The following ZNF600 variants were observed in gnomAD, a reference collection of about 807,000 sequenced individuals.
ZNF600 encodes the protein zinc finger protein KR-ZNF1.
A neutral mutation model predicts 7.3 loss-of-function variants in ZNF600; 4 were observed. The observed-to-expected ratio is 0.55, with a 90% confidence interval of 0.27 to 1.25. The LOEUF (loss-of-function observed/expected upper bound fraction) is 1.25, where lower values mean the gene tolerates loss of function less well. Ranked by LOEUF, ZNF600 falls within the 50% of genes most tolerant of loss-of-function variation. The probability of loss-of-function intolerance (pLI) is 0.12; values close to 1 mark genes in which losing one functional copy is unlikely to be tolerated. For synonymous variants in ZNF600, 290 were observed against 308.9 expected, an observed-to-expected ratio of 0.94 and a Z score of 0.64; for missense variants, 911 against 922.1, an observed-to-expected ratio of 0.99 and a Z score of 0.16.
chr19:52,783,725 T>C (rs150886283), intron 1 of ZNF600, among the ~76,000 whole-genome samples: 351 of 152,288 alleles, frequency 2.3e-3, no homozygotes, highest in African/African-American at 8.1e-3. Flanking sequence ...TTTTCTGCAT[T>C]TCCCCCTGGA....
chr19:52,819,964 G>C, the ZNF600 span, among the ~76,000 whole-genome samples: 1 of 145,144 alleles, frequency 6.9e-6, no homozygotes, highest in Non-Finnish European at 1.5e-5. Flanking sequence ...GTTCACACCT[G>C]TAATTCCAGC....
chr19:52,800,155 A>G, the ZNF600 span: 1 of 1,613,578 alleles, frequency 6.2e-7, no homozygotes, highest in Non-Finnish European at 8.5e-7. Flanking sequence ...TCCATGTGTG[A>G]TTTGCGACTG....
chr19:52,820,869 TTC>T, the ZNF600 span, among the ~76,000 whole-genome samples: 1 of 152,088 alleles, frequency 6.6e-6, no homozygotes, highest in Non-Finnish European at 1.5e-5. Context: ...CATTCTTCTT[TTC>T]TCTGTCTCAG....
intron 1 of ZNF600, among the ~76,000 whole-genome samples, chr19:52,784,849 C>T (rs1050746384): frequency 6.6e-6 from 1 of 152,170 alleles, no homozygotes; most frequent in Non-Finnish European, 1.5e-5. Context: ...CTGCTTCGGC[C>T]TAGAGAAGCT....
the ZNF600 span, among the ~76,000 whole-genome samples, chr19:52,827,166 C>A: frequency 6.6e-6 from 1 of 150,376 alleles, no homozygotes; most frequent in Non-Finnish European, 1.5e-5. Context: ...TCACTTGAGA[C>A]CAGGAGTTCG....
At chr19:52,816,400 C>T in the ZNF600 span, among the ~76,000 whole-genome samples, 2 of 145,986 alleles carry the variant, frequency 1.4e-5, no homozygotes, top group Non-Finnish European at 3.0e-5. Context: ...CGCGGTGGCT[C>T]AAGCCTGTAA....
At chr19:52,791,714 G>A (rs1299172988), upstream of ZNF600, among the ~76,000 whole-genome samples, 1 of 152,212 alleles carries the variant, frequency 6.6e-6, no homozygotes, top group Non-Finnish European at 1.5e-5. Flanking sequence ...ATCATGCAGA[G>A]ATAAGAAAGT....
At chr19:52,792,613 C>G in the ZNF600 span, among the ~76,000 whole-genome samples, 1 of 152,176 alleles carries the variant, frequency 6.6e-6, no homozygotes, top group Non-Finnish European at 1.5e-5. Flanking sequence ...TATCTATGAC[C>G]TGGAAGCACC....
chr19:52,767,663 A>C (rs1250590936), exon 4 of ZNF600: 1 of 1,613,944 alleles, frequency 6.2e-7, no homozygotes, highest in Non-Finnish European at 8.5e-7. Context: ...GGAAGCAAAA[A>C]TCTCCAATGT....
Position 52,778,953 on chromosome 19 carries a change from C to T in ZNF600, c.-19-46G>A, listed in dbSNP as rs888499179. 12 of 1,535,854 alleles carry T rather than the reference C, an allele frequency of 7.8e-6. No individual in the cohort carries two copies. In the African/African-American group the frequency reaches 1.5e-4, roughly 20 times the overall value. On this transcript the variant is annotated intron_variant, in intron 1 of 3. Transcript: ENST00000648973. ...GACTTCTTGTTAGAAATGACTCACTCCCATCCTGTGACAAAACCACATGAA... is the reference window on the plus strand; with the variant it reads ...GACTTCTTGTTAGAAATGACTCACTTCCATCCTGTGACAAAACCACATGAA...
At chr19:52,811,796 G>A in the ZNF600 span, among the ~76,000 whole-genome samples, 86 of 140,014 alleles carry the variant, frequency 6.1e-4, no homozygotes, top group African/African-American at 1.8e-3. Flanking sequence ...CAGCCGCCCC[G>A]TCCGGGAGGT....
the ZNF600 span, among the ~76,000 whole-genome samples, chr19:52,814,608 T>C: frequency 4.3e-5 from 6 of 138,558 alleles, no homozygotes; most frequent in Non-Finnish European, 6.0e-5. Flanking sequence ...AAAAAAAAGC[T>C]GGGCGAGGTG....
intron 1 of ZNF600, among the ~76,000 whole-genome samples, chr19:52,785,687 C>T (rs2062757861): frequency 6.6e-6 from 1 of 152,128 alleles, no homozygotes; most frequent in Non-Finnish European, 1.5e-5. Flanking sequence ...ACCCCTCTGT[C>T]CCCACTCTCC....
At chr19:52,798,774 A>T in the ZNF600 span, 87 of 671,946 alleles carry the variant, frequency 1.3e-4, no homozygotes, top group Non-Finnish European at 2.1e-4. Flanking sequence ...CACTTGTAAG[A>T]TCTCTCATTA....
chr19:52,793,620 C>A, the ZNF600 span, among the ~76,000 whole-genome samples: 575 of 152,166 alleles, frequency 3.8e-3, 6 homozygotes, highest in African/African-American at 0.013. Flanking sequence ...CTCCCACAAC[C>A]CAAAAGCATT....
chr19:52,830,939 G>T, the ZNF600 span, among the ~76,000 whole-genome samples: 294 of 142,072 alleles, frequency 2.1e-3, 32 homozygotes, highest in African/African-American at 7.6e-3. Flanking sequence ...AACTAATTTA[G>T]CAAATGGTAA....
At chr19:52,779,970 T>C (rs1361844079) in intron 1 of ZNF600, among the ~76,000 whole-genome samples, 2 of 152,124 alleles carry the variant, frequency 1.3e-5, no homozygotes, top group Non-Finnish European at 2.9e-5. Context: ...GAGCCAAGAC[T>C]GTGCCACTGC....
At position 52,771,646 on chromosome 19, in the gene ZNF600, T is replaced by G. The variant is rs369182552; in HGVS notation, c.190+2929A>C. Among the ~76,000 whole-genome samples, 19 of 152,184 alleles carry G rather than the reference T, an allele frequency of 1.2e-4. No individual in the cohort carries two copies. In the East Asian group the frequency reaches 2.1e-3, roughly 17 times the overall value. ...GTGTATACCAACACACCCAGCTAAT[T>G]TTTGTATTTTTACCAGAGATGGGGT... On this transcript the variant is annotated intron_variant, in intron 3 of 3. Transcript: ENST00000648973.
chr19:52,787,774 G>T (rs1160382267), upstream of ZNF600, among the ~76,000 whole-genome samples: 3 of 149,130 alleles, frequency 2.0e-5, no homozygotes, highest in Non-Finnish European at 4.5e-5. Flanking sequence ...ACAGGAGAAT[G>T]GAGTGAACCC....
Sources: allele counts gnomAD v4.1 joint callset (sites outside exome capture counted in the v4.1 genomes callset), GRCh38; gene constraint gnomAD v4.1.1; transcripts MANE v1.5; gene names NCBI Gene and HGNC (gene_info 2026-07-23, HGNC 2026-07-21).